TGIF2: variants seen among roughly 807,000 people sequenced by gnomAD.
TGIF2 encodes the protein TGFB induced factor homeobox 2.
A neutral mutation model predicts 15.1 loss-of-function variants in TGIF2; 5 were observed. The observed-to-expected ratio is 0.33, with a 90% CI of 0.17 to 0.70. The LOEUF (loss-of-function observed/expected upper bound fraction) is 0.70, where lower values mean the gene tolerates loss of function less well. Ranked by LOEUF, TGIF2 falls within the 30% of genes least tolerant of loss-of-function variation. The pLI is 0.67. For synonymous variants in TGIF2, 131 were observed against 128.9 expected (o/e 1.02, Z -0.11); for missense variants, 264 against 302.5 (o/e 0.87, Z 0.94).
rs2038770169 is a variant in TGIF2, at chr20:36,591,557, G to A, written c.*126G>A. On this transcript the variant is annotated 3_prime_UTR_variant, in exon 3 of 3. Transcript: ENST00000373872. This position sits in a 1 kb window ranked among gnomAD's most constrained non-coding sequence, Gnocchi z 5.3. ...ATTGGGATCATCTCCTCTGTCCAGA[G>A]GTCTTCAACAGGAAGATGCCAGCTG... 8.9e-7 allele frequency: 1 copy of A among 1,120,944 alleles called. No individual in the cohort carries two copies. The highest frequency in any genetic ancestry group is 1.6e-5 in the African/African-American group (1 of 64,030). 69.4% of individuals were successfully genotyped at this position (1,120,944 alleles called of 1,614,324 possible).
At chr20:36,584,225 G>T (rs1314748370) in intron 2 of TGIF2, among the ~76,000 whole-genome samples, 1 of 152,154 alleles carries the variant, frequency 6.6e-6, no homozygotes, top group African/African-American at 2.4e-5. Flanking sequence ...GAGGCTCCCA[G>T]TCCCTAAAGG....
At chr20:36,582,151 CT>C (rs1249879090) in intron 2 of TGIF2, among the ~76,000 whole-genome samples, 1 of 152,162 alleles carries the variant, frequency 6.6e-6, no homozygotes, top group East Asian at 2.0e-4. Flanking sequence ...AGGAGAATCA[CT>C]TTTGAACCCG....
chr20:36,578,827 A>G lies in TGIF2; in HGVS notation c.53A>G (p.Lys18Arg). Residue 18 changes from lysine to arginine, a missense_variant, in exon 2 of 3, where the codon AAA becomes AGA. By Grantham distance (26) the Lys-to-Arg change is conservative. Transcript: ENST00000373872. ...EDEGLLSLAG[K>R]RKRRGNLPKE... is the part of the protein sequence containing the mutation. ...GAAGGCCTCCTCTCCCTGGCGGGCA[A>G]AAGGAAGCGCAGGGGGAACCTGCCC... 1 of 1,614,138 alleles carries G rather than the reference A, an allele frequency of 6.2e-7. No individual in the cohort carries two copies. The highest frequency in any genetic ancestry group is 8.5e-7 in the Non-Finnish European group (1 of 1,180,000).
intron 1 of TGIF2, among the ~76,000 whole-genome samples, chr20:36,577,509 C>A (rs981940251): frequency 1.3e-5 from 2 of 151,322 alleles, no homozygotes; most frequent in Admixed American, 6.6e-5. Flanking sequence ...CCGTGTCCGG[C>A]CTTTGTTTGT....
chr20:36,586,351 C>T (rs927593027), intron 2 of TGIF2, among the ~76,000 whole-genome samples: 2 of 152,142 alleles, frequency 1.3e-5, no homozygotes, highest in African/African-American at 4.8e-5. Context: ...CTCCACCCCT[C>T]ACCCCCACTA....
intron 2 of TGIF2, among the ~76,000 whole-genome samples, chr20:36,584,371 A>G (rs1350904854): frequency 6.6e-6 from 1 of 152,308 alleles, no homozygotes; most frequent in Admixed American, 6.5e-5. Flanking sequence ...CTAGTGTAGC[A>G]TAGTGCTTGG....
At chr20:36,577,310 C>G (rs2038450777) in intron 1 of TGIF2, among the ~76,000 whole-genome samples, 1 of 152,070 alleles carries the variant, frequency 6.6e-6, no homozygotes, top group Non-Finnish European at 1.5e-5. Flanking sequence ...AGCAGTTCTC[C>G]TGCCTCAGCC....
chr20:36,580,084 C>G (rs1020479505), intron 2 of TGIF2, among the ~76,000 whole-genome samples: 1 of 152,134 alleles, frequency 6.6e-6, no homozygotes, highest in African/African-American at 2.4e-5. Context: ...TGCTGGCCCC[C>G]ACTGCTCCCT....
At position 36,592,198 on chromosome 20, in the gene TGIF2, A is replaced by G. The variant is rs1037274799; in HGVS notation, c.*767A>G. ...AAAAAAAAAACAACCGTATGAGCGC[A>G]TTGGCTTGTCTGCCGCAGGCACAGA... On this transcript the variant is annotated 3_prime_UTR_variant, in exon 3 of 3. Coordinates refer to ENST00000373872, the MANE Select transcript of TGIF2 (RefSeq NM_021809.7). The G allele has an allele frequency of 1.3e-5, 2 of 152,060 alleles. No individual in the cohort carries two copies. Among genetic ancestry groups the G allele is most frequent in the African/African-American group, 4.8e-5 (2 of 41,386 alleles). The allele number at this position is 152,060 out of a possible 1,614,324, so 9.4% of individuals were successfully genotyped here.
At chr20:36,574,168 G>T (rs954473460) in intron 1 of TGIF2, among the ~76,000 whole-genome samples, 2 of 152,074 alleles carry the variant, frequency 1.3e-5, no homozygotes, top group African/African-American at 4.8e-5. Flanking sequence ...GTGACAGCTG[G>T]GGGTGGGGGC....
rs927433955 is a variant in TGIF2, at chr20:36,592,752, A to T, written c.*1321A>T. The T allele has an allele frequency of 3.3e-5, 5 of 152,460 alleles. No individual in the cohort carries two copies. Among genetic ancestry groups the T allele is most frequent in the African/African-American group, 7.2e-5 (3 of 41,420 alleles). 9.4% of individuals were successfully genotyped at this position (152,460 alleles called of 1,614,324 possible). On this transcript the variant is annotated 3_prime_UTR_variant, in exon 3 of 3. Transcript: ENST00000373872. ...AGAAGCCCCTGCCCAGTGAACAGATAACGATTGGTCTTATGCTCCTCCCTT... is the reference window on the plus strand; with the variant it reads ...AGAAGCCCCTGCCCAGTGAACAGATTACGATTGGTCTTATGCTCCTCCCTT...
rs2038779615 is a variant in TGIF2 at position 36,592,180 on chromosome 20, AAAC to A, written c.*753_*755del. 1 of 152,410 alleles carries A rather than the reference AAAC, an allele frequency of 6.6e-6. No homozygotes were observed. The highest frequency in any genetic ancestry group is 1.5e-5 in the Non-Finnish European group (1 of 68,002). The allele number at this position is 152,410 out of a possible 1,614,324, so 9.4% of individuals were successfully genotyped here. A position where few individuals can be genotyped will look rare whatever the true frequency, so the allele number is the denominator to read the frequency against. On this transcript the variant is annotated 3_prime_UTR_variant, in exon 3 of 3. Transcript: ENST00000373872. ...AAAAAAAGGCAGGGAAAAAAAAAAA[AAAC>A]AACCGTATGAGCGCATTGGCTTGTC...
Position 36,589,502 on chromosome 20 carries a change from C to T in TGIF2, c.193-1408C>T, listed in dbSNP as rs192829917. The stretch of plus-strand genomic sequence containing the variant: ...CTGCCTCCCGGGTTCAAGCAGTTCT[C>T]CTGCCTCAGCCCCCCAAGTAGCTGG... On this transcript the variant is annotated intron_variant, in intron 2 of 2. Transcript: ENST00000373872. Among the ~76,000 whole-genome samples the T allele has an allele frequency of 9.2e-5, 14 of 151,890 alleles. No homozygotes were observed. In the East Asian group the frequency reaches 1.8e-3, roughly 19 times the overall value.
Position 36,578,866 on chromosome 20 carries a change from A to T in TGIF2, c.92A>T (p.Lys31Met). The T allele has an allele frequency of 6.2e-7, 1 of 1,614,182 alleles. No homozygotes were observed. Among genetic ancestry groups the T allele is most frequent in the East Asian group, 2.2e-5 (1 of 44,870 alleles). The change falls in exon 2 of 3, where the codon AAG becomes ATG. Residue 31 changes from lysine to methionine, a missense_variant. Transcript: ENST00000373872. ...RRGNLPKESV[K>M]ILRDWLYLHR... ...GGGAACCTGCCCAAGGAGTCGGTGA[A>T]GATCCTCCGGGACTGGCTGTACTTG...
At position 36,578,736 on chromosome 20, in the gene TGIF2, C is replaced by T. The variant is rs748017724; in HGVS notation, c.-34-5C>T. 19 of 1,573,544 alleles carry T rather than the reference C, an allele frequency of 1.2e-5. No homozygotes were observed. The highest frequency in any genetic ancestry group is 1.5e-5 in the Non-Finnish European group (17 of 1,159,734). On this transcript the variant is annotated splice_region_variant and splice_polypyrimidine_tract_variant and intron_variant, in intron 1 of 2. Transcript: ENST00000373872. ...TGTTCCCATCCCCTGTGTCCCTTGT[C>T]CCAGGTTTACCCAAGGTCCAGCCTA...
At chr20:36,589,960 A>G (rs1415958554) in intron 2 of TGIF2, among the ~76,000 whole-genome samples, 1 of 151,890 alleles carries the variant, frequency 6.6e-6, no homozygotes, top group East Asian at 1.9e-4. Flanking sequence ...AAGTACTGGG[A>G]CTGCAGGCGT....
Position 36,584,552 on chromosome 20 carries a change from ATTT to A in TGIF2, c.192+5598_192+5600del, listed in dbSNP as rs776849143. Among the ~76,000 whole-genome samples the A allele has an allele frequency of 6.2e-5, 9 of 145,436 alleles. No individual in the cohort carries two copies. In the East Asian group the frequency reaches 1.5e-3, roughly 24 times the overall value. On this transcript the variant is annotated intron_variant, in intron 2 of 2. Coordinates refer to ENST00000373872, the MANE Select transcript of TGIF2 (RefSeq NM_021809.7). ...CATTTTTTCCTGTATTTATTAATTA[ATTT>A]TTTTTTTTTTTGAGACGGAGTCACT... is the stretch of plus-strand genomic sequence containing the variant.
chr20:36,578,733 T>C lies in TGIF2; in HGVS notation c.-34-8T>C. 3 of 1,570,052 alleles carry C rather than the reference T, an allele frequency of 1.9e-6. No homozygotes were observed. The highest frequency in any genetic ancestry group is 2.6e-6 in the Non-Finnish European group (3 of 1,158,188). On this transcript the variant is annotated splice_region_variant and splice_polypyrimidine_tract_variant and intron_variant, in intron 1 of 2. Coordinates refer to ENST00000373872, the MANE Select transcript of TGIF2 (RefSeq NM_021809.7). The stretch of plus-strand genomic sequence containing the variant: ...TGATGTTCCCATCCCCTGTGTCCCT[T>C]GTCCCAGGTTTACCCAAGGTCCAGC...
intron 1 of TGIF2, among the ~76,000 whole-genome samples, chr20:36,577,952 A>C (rs550058107): frequency 1.3e-5 from 2 of 152,292 alleles, no homozygotes; most frequent in African/African-American, 2.4e-5. Flanking sequence ...TTACAAATGC[A>C]CAGCATGACA....
Sources: gnomAD v4.1 joint callset for allele counts (sites outside exome capture counted in the v4.1 genomes callset) on GRCh38, gnomAD v4.1.1 for gene constraint, Gnocchi (gnomAD v3.1) non-coding constraint, MANE v1.5 for transcripts, NCBI Gene and HGNC (gene_info 2026-07-23, HGNC 2026-07-21) for gene names.